The following PCDHA2 variants were observed in gnomAD, a reference collection of about 807,000 sequenced individuals.
PCDHA2 encodes the protein protocadherin alpha 2.
Under a neutral mutation model 66.0 loss-of-function variants are expected in PCDHA2, and 58 were observed. That is an observed-to-expected ratio of 0.88 (90% confidence interval 0.71 to 1.09). The LOEUF is 1.09. Among genes scored for constraint, PCDHA2 ranks in the 50% least tolerant of loss-of-function variants. PCDHA2 has a pLI of 0.00. For missense variants in PCDHA2, 1,267 were observed against 1,242.3 expected (o/e 1.02, Z -0.30); for synonymous variants, 634 against 554.0 (o/e 1.14, Z -2.03).
Position 140,834,581 on chromosome 5 carries a change from G to A in PCDHA2, c.2388+37229G>A, listed in dbSNP as rs1554134342. On this transcript the variant is annotated intron_variant, in intron 1 of 3. Coordinates refer to ENST00000526136, the MANE Select transcript of PCDHA2 (RefSeq NM_018905.3). The stretch of plus-strand genomic sequence containing the variant: ...AGCTGGTGCCGCGCCTGTTCCGGGC[G>A]GTGTGCAAATTCCGTGGGGATCTTC... The A allele has an allele frequency of 3.1e-6, 5 of 1,614,006 alleles. No individual in the cohort carries two copies. In the East Asian group the frequency reaches 6.7e-5, roughly 22 times the overall value.
At chr5:140,861,746 A>G (rs1163368847) in intron 1 of PCDHA2, 1 of 145,142 alleles carries the variant, frequency 6.9e-6, no homozygotes, top group African/African-American at 2.8e-5. Context: ...ACTGTGCCGC[A>G]ATGATTATTT....
intron 3 of PCDHA2, among the ~76,000 whole-genome samples, chr5:140,999,451 C>T (rs1245812469): frequency 4.6e-5 from 7 of 152,084 alleles, no homozygotes; most frequent in African/African-American, 9.7e-5. Context: ...ATTCGTTCAA[C>T]GAATAAGTGG....
At chr5:140,925,906 G>A (rs1181128933) in intron 1 of PCDHA2, among the ~76,000 whole-genome samples, 1 of 151,830 alleles carries the variant, frequency 6.6e-6, no homozygotes, top group Non-Finnish European at 1.5e-5. Context: ...ATCGTCAAGG[G>A]CCGTTTGCAA....
intron 1 of PCDHA2, chr5:140,801,460 C>A: frequency 6.2e-7 from 1 of 1,614,026 alleles, no homozygotes; most frequent in Non-Finnish European, 8.5e-7. Context: ...TTTGTGAATT[C>A]TCGGATAGAC....
chr5:140,966,765 C>G (rs2096051420), intron 1 of PCDHA2: 7 of 1,482,914 alleles, frequency 4.7e-6, no homozygotes, highest in Non-Finnish European at 6.3e-6. Context: ...CGGCCAGTGG[C>G]TATGGAGCAG....
intron 1 of PCDHA2, chr5:140,856,526 G>C (rs1461628453): frequency 6.3e-7 from 1 of 1,598,340 alleles, no homozygotes; most frequent in Non-Finnish European, 8.6e-7. Context: ...ATCTGATGCG[G>C]ATGTTGGAGA....
intron 1 of PCDHA2, chr5:140,877,100 C>A (rs782669477): frequency 2.5e-6 from 4 of 1,613,344 alleles, no homozygotes; most frequent in African/African-American, 1.3e-5. Context: ...GCCGGCGTGC[C>A]GCCTCTGGGC....
intron 1 of PCDHA2, among the ~76,000 whole-genome samples, chr5:140,937,093 A>G (rs1466127180): frequency 6.8e-6 from 1 of 146,414 alleles, no homozygotes; most frequent in African/African-American, 2.6e-5. Context: ...GCTGGAGTGC[A>G]GTGGCGCAGT....
intron 1 of PCDHA2, chr5:140,877,179 G>T (rs1554169418): frequency 1.2e-6 from 2 of 1,613,830 alleles, no homozygotes. Flanking sequence ...TGGCGACTCC[G>T]GCTGGCAGCG....
At chr5:140,824,328 TA>T in intron 1 of PCDHA2, 1 of 658,016 alleles carries the variant, frequency 1.5e-6, no homozygotes, top group Non-Finnish European at 2.6e-6. Flanking sequence ...CTTTCTGTGA[TA>T]TTAAGTGTTT....
Position 140,796,972 on chromosome 5 carries a change from G to C in PCDHA2, c.2008G>C (p.Val670Leu), listed in dbSNP as rs1369166743. ...TATATVLVSL[V>L]ESGQAPKASS... is the part of the protein sequence containing the mutation. The stretch of plus-strand genomic sequence containing the variant: ...CACGGCCACCGTGTTAGTGTCGTTG[G>C]TGGAAAGTGGCCAGGCACCCAAGGC... The change falls in exon 1 of 4, where the codon GTG becomes CTG. Residue 670 changes from valine to leucine, a missense_variant. By Grantham distance (32) the Val-to-Leu change is conservative. Coordinates refer to ENST00000526136, the MANE Select transcript of PCDHA2 (RefSeq NM_018905.3). The C allele has an allele frequency of 5.6e-6, 9 of 1,613,832 alleles. No homozygotes were observed. Among genetic ancestry groups the C allele is most frequent in the Non-Finnish European group, 7.6e-6 (9 of 1,179,974 alleles).
chr5:140,935,835 A>G (rs1405712064), intron 1 of PCDHA2, among the ~76,000 whole-genome samples: 3 of 151,830 alleles, frequency 2.0e-5, no homozygotes, highest in Admixed American at 6.6e-5. Flanking sequence ...CACATATTCC[A>G]TACTGCTTAA....
intron 1 of PCDHA2, among the ~76,000 whole-genome samples, chr5:140,912,961 G>C (rs1370850871): frequency 6.6e-6 from 1 of 151,844 alleles, no homozygotes; most frequent in African/African-American, 2.4e-5. Context: ...ATCCCACTTG[G>C]TCTTTTAACT....
intron 2 of PCDHA2, among the ~76,000 whole-genome samples, chr5:140,981,680 C>G (rs1238332235): frequency 6.6e-6 from 1 of 151,746 alleles, no homozygotes; most frequent in Non-Finnish European, 1.5e-5. Context: ...CTTCCTTCCT[C>G]CCTTCCATCA....
chr5:140,928,801 G>T (rs1554206325), intron 1 of PCDHA2: 1 of 1,614,066 alleles, frequency 6.2e-7, no homozygotes, highest in African/African-American at 1.3e-5. Flanking sequence ...GGTGGTGGTA[G>T]TGGTTCGGGA....
intron 1 of PCDHA2, chr5:140,813,487 A>T (rs2126646878): frequency 6.6e-6 from 1 of 152,218 alleles, no homozygotes; most frequent in Non-Finnish European, 1.5e-5. Flanking sequence ...ATATCTAAAC[A>T]TCTAAAAGGT....
At chr5:140,967,792 A>G (rs371669028) in intron 1 of PCDHA2, 4 of 1,614,212 alleles carry the variant, frequency 2.5e-6, no homozygotes, top group Non-Finnish European at 3.4e-6. Context: ...ACCGGGGTCC[A>G]GTGCCCATGG....
intron 1 of PCDHA2, chr5:140,875,247 A>G (rs1427742475): frequency 2.1e-6 from 2 of 962,258 alleles, no homozygotes; most frequent in Non-Finnish European, 2.9e-6. Context: ...TTACATAATC[A>G]GTCACATGAT....
intron 1 of PCDHA2, among the ~76,000 whole-genome samples, chr5:140,845,905 T>C (rs1299056120): frequency 6.7e-6 from 1 of 149,748 alleles, no homozygotes; most frequent in Non-Finnish European, 1.5e-5. Context: ...TGGCCTTCCA[T>C]ATTAATCTTA....
Sources: allele counts gnomAD v4.1 joint callset (sites outside exome capture counted in the v4.1 genomes callset), GRCh38; gene constraint gnomAD v4.1.1; transcripts MANE v1.5; gene names NCBI Gene and HGNC (gene_info 2026-07-23, HGNC 2026-07-21).